The following ENDOD1 variants were observed in gnomAD, a reference collection of about 807,000 sequenced individuals.
ENDOD1 encodes endonuclease domain containing 1.
ENDOD1 carries 9 observed loss-of-function variants against 6.5 expected under a neutral mutation model. The observed-to-expected ratio is 1.39, with a 90% confidence interval of 0.84 to 2.43. The LOEUF is 2.43. Among genes scored for constraint, ENDOD1 ranks in the 30% most tolerant of loss-of-function variants. The pLI is 0.00. For missense variants in ENDOD1, 648 were observed against 635.5 expected, an observed-to-expected ratio of 1.02 and a Z score of -0.21; for synonymous variants, 255 against 255.2, an observed-to-expected ratio of 1.00 and a Z score of 0.01.
intron 1 of ENDOD1, among the ~76,000 whole-genome samples, chr11:95,104,859 TG>T (rs1859074676): frequency 6.6e-6 from 1 of 152,222 alleles, no homozygotes; most frequent in Admixed American, 6.5e-5. Flanking sequence ...TCAGCCTGGC[TG>T]CCAACCCCAA....
At chr11:95,126,783 C>T (rs1859316130) in intron 1 of ENDOD1, among the ~76,000 whole-genome samples, 1 of 152,160 alleles carries the variant, frequency 6.6e-6, no homozygotes, top group Non-Finnish European at 1.5e-5. Flanking sequence ...CAGGCTCAAG[C>T]GATTCTGCCA....
intron 1 of ENDOD1, among the ~76,000 whole-genome samples, chr11:95,091,906 A>G (rs1850497616): frequency 6.6e-6 from 1 of 152,182 alleles, no homozygotes; most frequent in Non-Finnish European, 1.5e-5. Flanking sequence ...AATTGGAGAT[A>G]ATAGCATAGG....
rs1859352868 is a variant in ENDOD1 at position 95,129,747 on chromosome 11, G to T, written c.*168G>T. On this transcript the variant is annotated 3_prime_UTR_variant, in exon 2 of 2. Coordinates refer to ENST00000278505, the MANE Select transcript of ENDOD1 (RefSeq NM_015036.3). ...GGCAGAATTTAGACTTGACAGAGGA[G>T]AAATGCTCAGGGTGAGATTAGGTGT... 1 of 686,542 alleles carries T rather than the reference G, an allele frequency of 1.5e-6. No individual in the cohort carries two copies. Among genetic ancestry groups the T allele is most frequent in the Non-Finnish European group, 2.4e-6 (1 of 415,946 alleles). 42.5% of individuals were successfully genotyped at this position (686,542 alleles called of 1,614,324 possible).
At position 95,128,704 on chromosome 11, in the gene ENDOD1, A is replaced by G. The variant is rs1159796904; in HGVS notation, c.628A>G (p.Lys210Glu). 9 of 1,614,204 alleles carry G rather than the reference A, an allele frequency of 5.6e-6. No individual in the cohort carries two copies. The highest frequency in any genetic ancestry group is 7.6e-6 in the Non-Finnish European group (9 of 1,180,032). Residue 210 changes from lysine (K) to glutamate (E), a missense_variant, in exon 2 of 2, where the codon AAA becomes GAA. By Grantham distance (56) the Lys-to-Glu change is moderately conservative (BLOSUM62 1). Transcript: ENST00000278505. The part of the protein sequence containing the change: ...TGTVPSDYRV[K>E]DKVAVPEFVW... ...CACAGTGCCCTCAGACTACAGAGTT[A>G]AAGACAAAGTGGCAGTCCCTGAGTT...
intron 1 of ENDOD1, among the ~76,000 whole-genome samples, chr11:95,120,883 A>G (rs577174484): frequency 2.4e-4 from 37 of 152,226 alleles, no homozygotes; most frequent in Admixed American, 2.0e-3. Context: ...GGGCTGGTTT[A>G]ATGCTCTCCC....
At chr11:95,098,769 G>A (rs183165891) in intron 1 of ENDOD1, among the ~76,000 whole-genome samples, 52 of 151,938 alleles carry the variant, frequency 3.4e-4, no homozygotes, top group African/African-American at 1.3e-3. Flanking sequence ...ATCCTTCTTA[G>A]AGGAGGAAAC....
Position 95,089,884 on chromosome 11 carries a change from C to G in ENDOD1, c.-44C>G, listed in dbSNP as rs1463586744. On this transcript the variant is annotated 5_prime_UTR_variant, in exon 1 of 2. Transcript: ENST00000278505. ...CGCCCAGCCTGCAGAGCTCGCGCCG[C>G]GGCAGCCCAGCCGCTCGGCCCCGCC... 3.1e-6 allele frequency: 4 copies of G among 1,294,218 alleles called. No individual in the cohort carries two copies. The highest frequency in any genetic ancestry group is 8.5e-5 in the Admixed American group (2 of 23,468). 80.2% of individuals were successfully genotyped at this position (1,294,218 alleles called of 1,614,324 possible). A position where few individuals can be genotyped will look rare whatever the true frequency, so the allele number is the denominator to read the frequency against.
chr11:95,096,300 T>TA (rs1383523036), intron 1 of ENDOD1, among the ~76,000 whole-genome samples: 1 of 141,736 alleles, frequency 7.1e-6, no homozygotes, highest in Non-Finnish European at 1.5e-5. Context: ...AATGGTGACT[T>TA]ACCCTTTCAT....
intron 1 of ENDOD1, among the ~76,000 whole-genome samples, chr11:95,126,659 C>T (rs1230927332): frequency 6.6e-6 from 1 of 152,110 alleles, no homozygotes. Context: ...ATTACGAACC[C>T]CTTTATAATT....
At chr11:95,120,870 C>T (rs1200046645) in intron 1 of ENDOD1, among the ~76,000 whole-genome samples, 1 of 152,144 alleles carries the variant, frequency 6.6e-6, no homozygotes, top group East Asian at 1.9e-4. Flanking sequence ...TTTTCTCTGG[C>T]TAGGGCTGGT....
chr11:95,129,292 GC>G lies in ENDOD1; in HGVS notation c.1218del (p.Val408SerfsTer13). On this transcript the variant is annotated frameshift_variant, in exon 2 of 2. Coordinates refer to ENST00000278505, the MANE Select transcript of ENDOD1 (RefSeq NM_015036.3). LOFTEE classifies it high-confidence loss of function. ...SIPWKVLKVV[A>X]KVIRALLRIL... The stretch of plus-strand genomic sequence containing the variant: ...TCCCTGGAAGGTGCTCAAGGTCGTG[GC>G]CAAAGTCATCAGGGCTCTCCTCCGG... The G allele has an allele frequency of 6.2e-7, 1 of 1,614,172 alleles. No homozygotes were observed. Among genetic ancestry groups the G allele is most frequent in the Non-Finnish European group, 8.5e-7 (1 of 1,180,038 alleles).
chr11:95,114,764 T>G (rs1256379914), intron 1 of ENDOD1, among the ~76,000 whole-genome samples: 1 of 152,212 alleles, frequency 6.6e-6, no homozygotes, highest in Non-Finnish European at 1.5e-5. Context: ...TTTTCCCCAG[T>G]GTATGTTCTT....
intron 1 of ENDOD1, among the ~76,000 whole-genome samples, chr11:95,118,412 AG>A (rs1424623022): frequency 6.6e-6 from 1 of 152,136 alleles, no homozygotes; most frequent in Admixed American, 6.5e-5. Flanking sequence ...TCATGTATGA[AG>A]GTATTTTCAC....
rs1859349034 is a variant in ENDOD1 at position 95,129,490 on chromosome 11, G to T, written c.1414G>T (p.Gly472Cys). The T allele has an allele frequency of 2.5e-6, 4 of 1,614,036 alleles. No individual in the cohort carries two copies. Among genetic ancestry groups the T allele is most frequent in the Non-Finnish European group, 3.4e-6 (4 of 1,180,034 alleles). ...TVSLLFDTAF[G>C]TLGGLFQVVF... ...CTCACTGCTCTTTGACACTGCTTTT[G>T]GTACCCTGGGTGGCCTATTTCAGGT... Residue 472 changes from glycine (G) to cysteine (C), a missense_variant, in exon 2 of 2, where the codon GGT (glycine) becomes TGT (cysteine). By Grantham distance (159) the Gly-to-Cys change is radical. Coordinates refer to ENST00000278505, the MANE Select transcript of ENDOD1 (RefSeq NM_015036.3).
chr11:95,099,272 C>T (rs782521059), intron 1 of ENDOD1, among the ~76,000 whole-genome samples: 2 of 152,218 alleles, frequency 1.3e-5, no homozygotes, highest in Non-Finnish European at 2.9e-5. Flanking sequence ...ATTTTGTCCC[C>T]TGCATCTCAG....
chr11:95,116,982 T>C (rs1859215422), intron 1 of ENDOD1, among the ~76,000 whole-genome samples: 1 of 152,254 alleles, frequency 6.6e-6, no homozygotes, highest in Non-Finnish European at 1.5e-5. Context: ...CATTTGATTA[T>C]AGTGCAGATT....
chr11:95,114,264 A>C (rs959076793), intron 1 of ENDOD1, among the ~76,000 whole-genome samples: 2 of 147,558 alleles, frequency 1.4e-5, no homozygotes, highest in Admixed American at 6.6e-5. Context: ...CTACAAGTGC[A>C]CACCACCATG....
At position 95,129,451 on chromosome 11, in the gene ENDOD1, C is replaced by G; in HGVS notation, c.1375C>G (p.Leu459Val). Residue 459 changes from leucine (L) to valine (V), a missense_variant, in exon 2 of 2, where the codon CTT (leucine) becomes GTT (valine). Physicochemically the swap from Leu to Val is conservative, Grantham distance 32 (BLOSUM62 1). Transcript: ENST00000278505. ...TGTTTGCAAGGACATTGCACTGGGC[C>G]TTGGTGGCACTGTCTCACTGCTCTT... is the stretch of plus-strand genomic sequence containing the variant. ...PIVCKDIALG[L>V]GGTVSLLFDT... 1.2e-6 allele frequency: 2 copies of G among 1,614,184 alleles called. No homozygotes were observed. The highest frequency in any genetic ancestry group is 1.7e-6 in the Non-Finnish European group (2 of 1,180,040).
rs1030299629 is a variant in ENDOD1, at chr11:95,102,121, C to T, written c.300+11894C>T. Reference sequence around the variant, plus strand: ...GAGGCCCAGGGAGTCACTGGTCTGCCCGAAGTCACAAGGCCAGTAAGCAGC... The same window carrying T: ...GAGGCCCAGGGAGTCACTGGTCTGCTCGAAGTCACAAGGCCAGTAAGCAGC... On this transcript the variant is annotated intron_variant, in intron 1 of 1. Transcript: ENST00000278505. Among the ~76,000 whole-genome samples, 3 of 152,062 alleles carry T rather than the reference C, an allele frequency of 2.0e-5. No homozygotes were observed. In the East Asian group the frequency reaches 5.8e-4, roughly 29 times the overall value.
Sources: gnomAD v4.1 joint callset for allele counts (sites outside exome capture counted in the v4.1 genomes callset) on GRCh38, gnomAD v4.1.1 for gene constraint, MANE v1.5 for transcripts, NCBI Gene and HGNC (gene_info 2026-07-23, HGNC 2026-07-21) for gene names.